NKX2-5: variants seen among roughly 807,000 people sequenced by gnomAD.
NKX2-5 encodes the protein homeobox protein Nkx-2.5.
NKX2-5 carries 3 observed loss-of-function variants against 24.5 expected under a neutral mutation model. The observed-to-expected ratio is 0.12, with a 90% CI of 0.06 to 0.32. The LOEUF (loss-of-function observed/expected upper bound fraction) is 0.32, where lower values mean the gene tolerates loss of function less well. Among genes scored for constraint, NKX2-5 ranks in the 10% least tolerant of loss-of-function variants. NKX2-5 has a pLI of 1.00. For synonymous variants in NKX2-5, 215 were observed against 217.6 expected (o/e 0.99, Z 0.11); for missense variants, 429 against 452.4 (o/e 0.95, Z 0.47).
At position 173,233,505 on chromosome 5, in the gene NKX2-5, C is replaced by CAAAA. The variant is rs763099269; in HGVS notation, c.335-300_335-297dup. 5.5e-4 allele frequency: 278 copies of CAAAA among 503,026 alleles called. 6 individuals are homozygous for CAAAA. Among genetic ancestry groups the CAAAA allele is most frequent in the South Asian group, 1.2e-3 (38 of 33,026 alleles). 31.2% of individuals were successfully genotyped at this position (503,026 alleles called of 1,614,324 possible). ...GACGGTGACTTAAAATTTCAGGCTGCAAAAAAAAAAAAAATAAATAAAAAA... is the reference window on the plus strand; with the variant it reads ...GACGGTGACTTAAAATTTCAGGCTGCAAAAAAAAAAAAAAAAAATAAATAAAAAA... On this transcript the variant is annotated intron_variant, in intron 1 of 1. Coordinates refer to ENST00000329198, the MANE Select transcript of NKX2-5 (RefSeq NM_004387.4).
At chr5:173,234,605 A>T in intron 1 of NKX2-5, 145 bp downstream of exon 1, 1 of 720,126 alleles carries the variant, frequency 1.4e-6, no homozygotes, top group South Asian at 3.3e-5. Flanking sequence ...GAGCCTGGCG[A>T]CAACACCAGG....
At chr5:173,233,614 A>T (rs560779938) in intron 1 of NKX2-5, 1 of 670,960 alleles carries the variant, frequency 1.5e-6, no homozygotes, top group South Asian at 2.1e-5. Context: ...AAATGAACAG[A>T]GGCCGAGGCC....
At chr5:173,234,112 C>G in intron 1 of NKX2-5, 2 of 1,289,494 alleles carry the variant, frequency 1.6e-6, no homozygotes, top group Non-Finnish European at 2.0e-6. Context: ...GAGGGAACCT[C>G]TCCGCCCTGG....
At chr5:173,233,846 G>C (rs1160502408) in intron 1 of NKX2-5, 2 of 985,414 alleles carry the variant, frequency 2.0e-6, no homozygotes, top group East Asian at 2.3e-4. Context: ...TTGTTCCCAG[G>C]CCTCTGCTCC....
chr5:173,232,899 G>T lies in NKX2-5; in HGVS notation c.645C>A (p.Ala215=). 1.2e-6 allele frequency: 2 copies of T among 1,607,050 alleles called. No individual in the cohort carries two copies. The highest frequency in any genetic ancestry group is 1.7e-6 in the Non-Finnish European group (2 of 1,177,592). The stretch of plus-strand genomic sequence containing the variant: ...CCAGCACTGGCACCGCGATCCTGCG[G>T]GCAGGCGGCGGCGGCGGCGGGGGCA... ...VGLPPPPPPP[A]RRIAVPVLVR... is the part of the protein sequence containing the mutation. Residue 215 remains alanine, a synonymous_variant, in exon 2 of 2, where the codon GCC becomes GCA. Transcript: ENST00000329198. This position sits in a 1 kb window ranked among gnomAD's most constrained non-coding sequence, Gnocchi z 5.9.
chr5:173,233,726 G>T (rs1169045951), intron 1 of NKX2-5: 5 of 539,134 alleles, frequency 9.3e-6, no homozygotes, highest in Middle Eastern at 8.9e-4. Context: ...GCCGCAGCAG[G>T]GTTTGCGCAG....
chr5:173,234,661 A>G (rs983723474), intron 1 of NKX2-5, 89 bp downstream of exon 1: 33 of 1,201,494 alleles, frequency 2.7e-5, no homozygotes, highest in Non-Finnish European at 2.9e-5. Flanking sequence ...CCTCGGCCCA[A>G]GGGCGCGTGT....
At position 173,232,743 on chromosome 5, in the gene NKX2-5, G is replaced by A. The variant is rs1226135780; in HGVS notation, c.801C>T (p.Gly267=). ...CGGGGTAAGCGGCAGTGCAGCTGTA[G>A]CCAGGGCTGCAGGCCGCGCCGCCGT... ...PGYGGAACSP[G]YSCTAAYPAG... The change falls in exon 2 of 2, where the codon GGC becomes GGT. Residue 267 remains glycine, a synonymous_variant. Transcript: ENST00000329198. This position sits in a 1 kb window ranked among gnomAD's most constrained non-coding sequence, Gnocchi z 5.9. 6.2e-7 allele frequency: 1 copy of A among 1,605,474 alleles called. No individual in the cohort carries two copies. The highest frequency in any genetic ancestry group is 8.5e-7 in the Non-Finnish European group (1 of 1,176,158).
At chr5:173,233,260 T>A in intron 1 of NKX2-5, 51 bp from the exon 2 acceptor site, 2 of 1,577,414 alleles carry the variant, frequency 1.3e-6, no homozygotes, top group Non-Finnish European at 1.7e-6. Context: ...CGGCTTGACC[T>A]ACGGAGCGCG....
Position 173,235,007 on chromosome 5 carries a change from C to A in NKX2-5, c.77G>T (p.Ser26Ile). 1 of 1,612,268 alleles carries A rather than the reference C, an allele frequency of 6.2e-7. No individual in the cohort carries two copies. The highest frequency in any genetic ancestry group is 1.3e-5 in the African/African-American group (1 of 74,962). Residue 26 changes from serine (S) to isoleucine (I), a missense_variant, in exon 1 of 2, where the codon AGC becomes ATC. Transcript: ENST00000329198. ...DILNLEQQQR[S>I]LAAAGELSAR... ...AGAGAGCTCTCCGGCGGCAGCCAGG[C>A]TGCGCTGCTGCTGTTCCAGGTTTAG...
rs891811678 is a variant in NKX2-5, at chr5:173,232,422, G to T, written c.*147C>A. 1.0e-4 allele frequency: 147 copies of T among 1,421,600 alleles called. 1 individual carries two copies. The South Asian group carries it at 1.7e-3, about 17-fold the overall frequency. 88.1% of individuals were successfully genotyped at this position (1,421,600 alleles called of 1,614,324 possible). On this transcript the variant is annotated 3_prime_UTR_variant, in exon 2 of 2. Transcript: ENST00000329198. This position sits in a 1 kb window ranked among gnomAD's most constrained non-coding sequence, Gnocchi z 5.9. ...CTCCCGTGCGCAAGAACAAACGCGC[G>T]TGGGACAGAAAAAGTTCCTAGGTCT...
chr5:173,233,535 AAAAAT>A, intron 1 of NKX2-5: 1 of 939,666 alleles, frequency 1.1e-6, no homozygotes, highest in Non-Finnish European at 1.6e-6. Flanking sequence ...AAAAAAATAA[AAAAAT>A]AAAAATAAAA....
chr5:173,233,451 G>A (rs770760092), intron 1 of NKX2-5: 2 of 1,528,994 alleles, frequency 1.3e-6, no homozygotes, highest in South Asian at 2.4e-5. Context: ...TCTGCCCTCG[G>A]GGCAGTTCAC....
chr5:173,232,790 C>T lies in NKX2-5; in HGVS notation c.754G>A (p.Ala252Thr). 2 of 1,611,426 alleles carry T rather than the reference C, an allele frequency of 1.2e-6. No individual in the cohort carries two copies. Among genetic ancestry groups the T allele is most frequent in the Non-Finnish European group, 1.7e-6 (2 of 1,179,320 alleles). The change falls in exon 2 of 2, where the codon GCC (alanine) becomes ACC (threonine). Residue 252 changes from alanine (A) to threonine (T), a missense_variant. Ala to Thr is a moderately conservative substitution (Grantham distance 58, BLOSUM62 0). Coordinates refer to ENST00000329198, the MANE Select transcript of NKX2-5 (RefSeq NM_004387.4). The surrounding 1 kb of genome is among the most constrained non-coding windows in gnomAD (Gnocchi z 5.9). ...CCGTAACCCGGATAGGCGGGGTAGG[C>T]GTTATAACCGTAGGGATTGAGGCCC... ...GVGLNPYGYNAYPAYPGYGGA... is the reference protein window; with the variant it reads ...GVGLNPYGYNTYPAYPGYGGA...
rs1353251998 is a variant in NKX2-5 at position 173,232,391 on chromosome 5, C to G, written c.*178G>C. 2 of 1,203,298 alleles carry G rather than the reference C, an allele frequency of 1.7e-6. No individual in the cohort carries two copies. The highest frequency in any genetic ancestry group is 2.3e-6 in the Non-Finnish European group (2 of 873,980). The allele number at this position is 1,203,298 out of a possible 1,614,324, so 74.5% of individuals were successfully genotyped here. ...ATTGCACGCTGCATAATCGCCGCCA[C>G]AAACTCTCCCGTGCGCAAGAACAAA... On this transcript the variant is annotated 3_prime_UTR_variant, in exon 2 of 2. Coordinates refer to ENST00000329198, the MANE Select transcript of NKX2-5 (RefSeq NM_004387.4). This position sits in a 1 kb window ranked among gnomAD's most constrained non-coding sequence, Gnocchi z 5.9.
chr5:173,233,528 A>AAT (rs1554093589), intron 1 of NKX2-5: 16 of 897,326 alleles, frequency 1.8e-5, no homozygotes, highest in African/African-American at 1.3e-4. Flanking sequence ...AATAAATAAA[A>AAT]AAATAAAAAA....
Position 173,234,116 on chromosome 5 carries a change from G to A in NKX2-5, c.334+634C>T, listed in dbSNP as rs886097599. The A allele has an allele frequency of 7.0e-6, 9 of 1,289,212 alleles. No homozygotes were observed. The African/African-American group carries it at 1.4e-4, about 20-fold the overall frequency. The allele number at this position is 1,289,212 out of a possible 1,614,324, so 79.9% of individuals were successfully genotyped here. ...AACTTTTCCACGAGGGAACCTCTCC[G>A]CCCTGGCCGCGCCGGCAAGTTGTGC... is the stretch of plus-strand genomic sequence containing the variant. On this transcript the variant is annotated intron_variant, in intron 1 of 1. Transcript: ENST00000329198.
chr5:173,233,258 C>T, intron 1 of NKX2-5, 49 bp from the exon 2 acceptor site: 1 of 1,579,636 alleles, frequency 6.3e-7, no homozygotes. Context: ...AGCGGCTTGA[C>T]CTACGGAGCG....
rs202071628 is a variant in NKX2-5, at chr5:173,232,839, C to G, written c.705G>C (p.Ala235=). 23 of 1,611,894 alleles carry G rather than the reference C, an allele frequency of 1.4e-5. No homozygotes were observed. In the East Asian group the frequency reaches 5.1e-4, roughly 36 times the overall value. ...CCACGCCGTAGGCAGGCGCGTAGGGCGCCGAGTCCCCTAGGCATGGCTTGC... is the reference window on the plus strand; with the variant it reads ...CCACGCCGTAGGCAGGCGCGTAGGGGGCCGAGTCCCCTAGGCATGGCTTGC... ...RDGKPCLGDS[A]PYAPAYGVGL... The change falls in exon 2 of 2, where the codon GCG becomes GCC. Residue 235 remains alanine, a synonymous_variant. Coordinates refer to ENST00000329198, the MANE Select transcript of NKX2-5 (RefSeq NM_004387.4). This position sits in a 1 kb window ranked among gnomAD's most constrained non-coding sequence, Gnocchi z 5.9.
Sources: gnomAD v4.1 joint callset for allele counts on GRCh38, gnomAD v4.1.1 for gene constraint, Gnocchi (gnomAD v3.1) non-coding constraint, MANE v1.5 for transcripts, NCBI Gene and HGNC (gene_info 2026-07-23, HGNC 2026-07-21) for gene names.